ALDH1A2: variants seen among roughly 807,000 people sequenced by gnomAD.
ALDH1A2 encodes aldehyde dehydrogenase 1 family member A2.
In ALDH1A2, 27 loss-of-function variants were observed where a neutral mutation model predicts 60.3. The ratio of observed to expected loss-of-function variants is 0.45; its 90% CI spans 0.33 to 0.62. ALDH1A2 has a LOEUF of 0.62. Ranked by LOEUF, ALDH1A2 falls within the 20% of genes least tolerant of loss-of-function variation. The probability of loss-of-function intolerance (pLI) is 0.02; values close to 1 mark genes in which losing one functional copy is unlikely to be tolerated. For synonymous variants in ALDH1A2, 289 were observed against 232.4 expected, an observed-to-expected ratio of 1.24 and a Z score of -2.21; for missense variants, 581 against 643.8, an observed-to-expected ratio of 0.90 and a Z score of 1.06.
rs141412807 is a variant in ALDH1A2 at position 58,014,226 on chromosome 15, T to C, written c.173A>G (p.Tyr58Cys). ...CACCTGTTCTCCTGTGGCTGGATTA[T>C]AGACAGGGAACACTCTCCCACTCTC... ...NSESGRVFPVYNPATGEQVCE... is the reference protein window; with the variant it reads ...NSESGRVFPVCNPATGEQVCE... The change falls in exon 2 of 13, where the codon TAT becomes TGT. Residue 58 changes from tyrosine to cysteine, a missense_variant. By Grantham distance (194) the Tyr-to-Cys change is radical. Transcript: ENST00000249750. The C allele has an allele frequency of 3.5e-5, 56 of 1,614,144 alleles. No homozygotes were observed. In the Middle Eastern group the frequency reaches 2.5e-3, roughly 71 times the overall value.
chr15:57,966,230 C>T (rs1364131272), intron 7 of ALDH1A2, among the ~76,000 whole-genome samples: 1 of 152,152 alleles, frequency 6.6e-6, no homozygotes, highest in Non-Finnish European at 1.5e-5. Flanking sequence ...GAGGATAAAA[C>T]AAATTGTTCA....
rs1896520279 is a variant in ALDH1A2 at position 58,041,620 on chromosome 15, C to T, written c.117+23914G>A. Among the ~76,000 whole-genome samples the T allele has an allele frequency of 2.6e-5, 4 of 151,856 alleles. No homozygotes were observed. In the South Asian group the frequency reaches 8.3e-4, roughly 31 times the overall value. ...ACATGGTAGAATGGACAAGCTAGCTCTCTCAGGCCTCTTTTACAAGGACAC... is the reference window on the plus strand; with the variant it reads ...ACATGGTAGAATGGACAAGCTAGCTTTCTCAGGCCTCTTTTACAAGGACAC... On this transcript the variant is annotated intron_variant, in intron 1 of 12. Transcript: ENST00000249750.
rs375294035 is a variant in ALDH1A2 at position 57,955,309 on chromosome 15, C to G, written c.1485-40G>C. 3.1e-6 allele frequency: 5 copies of G among 1,608,296 alleles called. No individual in the cohort carries two copies. In the East Asian group the frequency reaches 8.9e-5, roughly 29 times the overall value. On this transcript the variant is annotated intron_variant, in intron 12 of 12. Transcript: ENST00000249750. ...TGGGCCGGGTCAGATACCAGAAGTC[C>G]AGGGAGCTGCATGTGAGTGCAGCGG...
chr15:57,996,966 C>A (rs146717240), intron 4 of ALDH1A2, among the ~76,000 whole-genome samples: 1 of 151,900 alleles, frequency 6.6e-6, no homozygotes, highest in African/African-American at 2.4e-5. Context: ...TTGAAGAGCT[C>A]TATGGATATT....
chr15:58,042,905 A>C (rs907950572), intron 1 of ALDH1A2, among the ~76,000 whole-genome samples: 1 of 151,984 alleles, frequency 6.6e-6, no homozygotes, highest in African/African-American at 2.4e-5. Context: ...ATTGAATTGC[A>C]GTCTTCTCAC....
chr15:58,021,818 C>T (rs1895936966), intron 1 of ALDH1A2, among the ~76,000 whole-genome samples: 1 of 152,238 alleles, frequency 6.6e-6, no homozygotes, highest in Non-Finnish European at 1.5e-5. Flanking sequence ...CTGAAGCACC[C>T]AGTGCTGGTA....
chr15:58,002,850 G>A (rs1895320048), intron 4 of ALDH1A2, among the ~76,000 whole-genome samples: 1 of 151,792 alleles, frequency 6.6e-6, no homozygotes, highest in South Asian at 2.1e-4. Context: ...TGATTACATT[G>A]AACTATTCCA....
Position 57,961,286 on chromosome 15 carries a change from G to C in ALDH1A2, c.1260C>G (p.Gly420=). Residue 420 remains glycine, a synonymous_variant, in exon 11 of 13, where the codon GGC becomes GGG. Transcript: ENST00000249750. ...TAAATCTCAAAATTTCCTGAACAGG[G>C]CCAAAGATCTGCAAAAAGATAATAT... The part of the protein sequence containing the change: ...DMRIAKEEIF[G]PVQEILRFKT... The C allele has an allele frequency of 6.2e-7, 1 of 1,613,758 alleles. No individual in the cohort carries two copies. Among genetic ancestry groups the C allele is most frequent in the Non-Finnish European group, 8.5e-7 (1 of 1,179,994 alleles).
intron 7 of ALDH1A2, among the ~76,000 whole-genome samples, chr15:57,975,010 G>C (rs1384555131): frequency 6.6e-6 from 1 of 152,210 alleles, no homozygotes; most frequent in Non-Finnish European, 1.5e-5. Context: ...AAACCACATT[G>C]AGACAATGCT....
Position 57,961,172 on chromosome 15 carries a change from G to T in ALDH1A2, c.1374C>A (p.Leu458=), listed in dbSNP as rs1269872925. 2 of 1,614,156 alleles carry T rather than the reference G, an allele frequency of 1.2e-6. No homozygotes were observed. The change falls in exon 11 of 13, where the codon CTC becomes CTA. Residue 458 remains leucine (L), a synonymous_variant. Transcript: ENST00000249750. ...CAGCTTGCATTGCAGAAGACACTGT[G>T]AGGGCCTTGTTGATGTCATTAGTAA... ...AVFTNDINKA[L]TVSSAMQAGT... is the part of the protein sequence containing the mutation.
intron 1 of ALDH1A2, among the ~76,000 whole-genome samples, chr15:58,053,552 C>G (rs1203325598): frequency 6.6e-6 from 1 of 152,038 alleles, no homozygotes; most frequent in East Asian, 1.9e-4. Context: ...TTTATGTACC[C>G]CTATTTATGC....
chr15:58,065,291 G>A (rs1165273102), intron 1 of ALDH1A2: 25 of 538,410 alleles, frequency 4.6e-5, no homozygotes, highest in Non-Finnish European at 8.0e-5. Context: ...AGCCGTTGAC[G>A]GCTGCCCCTC....
In ALDH1A2 at chr15:57,963,811, A is replaced by G. The variant is rs1893805896; in HGVS notation, c.1086+74T>C. The stretch of plus-strand genomic sequence containing the variant: ...AAAAGGAAGATGTCGCTTTGCTGGG[A>G]CCTACTACAGTGTACACAGTTCTGT... On this transcript the variant is annotated intron_variant, in intron 9 of 12. Coordinates refer to ENST00000249750, the MANE Select transcript of ALDH1A2 (RefSeq NM_003888.4). 5.3e-6 allele frequency: 8 copies of G among 1,503,668 alleles called. No homozygotes were observed. In the South Asian group the frequency reaches 9.2e-5, roughly 17 times the overall value. The allele number at this position is 1,503,668 out of a possible 1,614,324, so 93.1% of individuals were successfully genotyped here.
At chr15:58,005,397 A>AC (rs35539950) in intron 4 of ALDH1A2, among the ~76,000 whole-genome samples, 133,624 of 151,908 alleles carry the variant, frequency 0.88, 60,274 homozygotes, top group East Asian at 1. Context: ...TGCCTTTGTA[A>AC]CCCAATGCCT....
intron 7 of ALDH1A2, among the ~76,000 whole-genome samples, chr15:57,968,199 T>C (rs1481046250): frequency 6.6e-6 from 1 of 152,230 alleles, no homozygotes; most frequent in Non-Finnish European, 1.5e-5. Context: ...AGACAATTAC[T>C]GGAATTCACA....
chr15:57,959,548 AATG>A (rs1162006433), intron 12 of ALDH1A2, among the ~76,000 whole-genome samples: 1 of 152,160 alleles, frequency 6.6e-6, no homozygotes, highest in Non-Finnish European at 1.5e-5. Context: ...CTTGATGAAT[AATG>A]ATGATTGCAG....
At chr15:58,043,777 A>T (rs1292188253) in intron 1 of ALDH1A2, among the ~76,000 whole-genome samples, 1 of 151,972 alleles carries the variant, frequency 6.6e-6, no homozygotes, top group Non-Finnish European at 1.5e-5. Flanking sequence ...GTACACCAAG[A>T]TCATACTTTA....
chr15:58,053,587 G>A (rs569996158), intron 1 of ALDH1A2, among the ~76,000 whole-genome samples: 113 of 152,248 alleles, frequency 7.4e-4, no homozygotes, highest in Non-Finnish European at 1.4e-3. Flanking sequence ...TAAATGCTGA[G>A]CAATCATCTT....
At chr15:58,026,223 A>G (rs538741461) in intron 1 of ALDH1A2, among the ~76,000 whole-genome samples, 30 of 152,360 alleles carry the variant, frequency 2.0e-4, no homozygotes, top group African/African-American at 7.2e-4. Context: ...TGAAAAGATA[A>G]CACACTATGA....
Sources: allele counts gnomAD v4.1 joint callset (sites outside exome capture counted in the v4.1 genomes callset), GRCh38; gene constraint gnomAD v4.1.1; transcripts MANE v1.5; gene names NCBI Gene and HGNC (gene_info 2026-07-23, HGNC 2026-07-21).